SH3GLB2: variants seen among roughly 807,000 people sequenced by gnomAD.
SH3GLB2 encodes SH3 domain containing GRB2 like, endophilin B2.
Under a neutral mutation model 48.0 loss-of-function variants are expected in SH3GLB2, and 24 were observed. That is an observed-to-expected ratio of 0.50 (90% CI 0.36 to 0.70). SH3GLB2 has a LOEUF of 0.70. Ranked by LOEUF, SH3GLB2 falls within the 30% of genes least tolerant of loss-of-function variation. The pLI is 0.00. For missense variants in SH3GLB2, 425 were observed against 516.0 expected, an observed-to-expected ratio of 0.82 and a Z score of 1.71; for synonymous variants, 227 against 207.6, an observed-to-expected ratio of 1.09 and a Z score of -0.80.
At chr9:129,019,432 G>A (rs971350880) in intron 3 of SH3GLB2, among the ~76,000 whole-genome samples, 28 of 151,362 alleles carry the variant, frequency 1.8e-4, no homozygotes, top group African/African-American at 5.9e-4. Flanking sequence ...TTGGCTGGGC[G>A]CAGTTGCTCA....
chr9:129,007,991 T>C lies in SH3GLB2; in HGVS notation c.*693A>G, dbSNP rs1842859186. 1 of 152,276 alleles carries C rather than the reference T, an allele frequency of 6.6e-6. No homozygotes were observed. The highest frequency in any genetic ancestry group is 1.5e-5 in the Non-Finnish European group (1 of 68,188). 9.4% of individuals were successfully genotyped at this position (152,276 alleles called of 1,614,324 possible). ...GTGGGGCAGAGGGTGAGTCTACCTT[T>C]CCCTTTACCACCCTCAGGGCCAGGC... is the stretch of plus-strand genomic sequence containing the variant. On this transcript the variant is annotated 3_prime_UTR_variant, in exon 11 of 11. Transcript: ENST00000372564.
At chr9:129,022,004 G>A (rs1843837653) in intron 2 of SH3GLB2, among the ~76,000 whole-genome samples, 1 of 150,846 alleles carries the variant, frequency 6.6e-6, no homozygotes, top group Non-Finnish European at 1.5e-5. Flanking sequence ...CCAGGTGTGT[G>A]TTTTGCCTGC....
chr9:129,014,728 C>T lies in SH3GLB2; in HGVS notation c.468+43G>A, dbSNP rs780636671. 6 of 1,595,958 alleles carry T rather than the reference C, an allele frequency of 3.8e-6. No homozygotes were observed. The highest frequency in any genetic ancestry group is 5.1e-6 in the Non-Finnish European group (6 of 1,171,684). ...GTACTCAAAGGCTCTGAGGAGGGAA[C>T]TGCCATGGTTACCAGGAAGCGGAAT... On this transcript the variant is annotated intron_variant, in intron 4 of 10. Transcript: ENST00000372564. The surrounding 1 kb of genome is among the most constrained non-coding windows in gnomAD (Gnocchi z 4.1).
At chr9:129,019,928 G>A (rs1588329800) in intron 3 of SH3GLB2, among the ~76,000 whole-genome samples, 1 of 151,716 alleles carries the variant, frequency 6.6e-6, no homozygotes, top group African/African-American at 2.4e-5. Flanking sequence ...TTCCAGCCGG[G>A]TGCGGTGGCT....
chr9:129,021,764 G>T (rs1843815377), intron 2 of SH3GLB2, among the ~76,000 whole-genome samples: 1 of 151,812 alleles, frequency 6.6e-6, no homozygotes, highest in Admixed American at 6.6e-5. Flanking sequence ...TTCAAGACCA[G>T]CCTGGCCAAC....
chr9:129,022,136 T>A, intron 2 of SH3GLB2, 146 bp downstream of exon 2: 2 of 1,238,710 alleles, frequency 1.6e-6, no homozygotes, highest in Non-Finnish European at 2.2e-6. Flanking sequence ...CTTTTAACTG[T>A]CCCTCTTCAA....
At chr9:129,012,460 A>G (rs1484319626) in intron 5 of SH3GLB2, 162 bp from the exon 6 acceptor site, 7 of 417,636 alleles carry the variant, frequency 1.7e-5, no homozygotes, top group African/African-American at 1.0e-4. Context: ...CCCGACTCCA[A>G]CCACCTGGAG....
intron 1 of SH3GLB2, among the ~76,000 whole-genome samples, chr9:129,024,499 T>G (rs1326527944): frequency 6.8e-6 from 1 of 147,018 alleles, no homozygotes; most frequent in African/African-American, 2.5e-5. Context: ...AGGCGGAGCT[T>G]GCAATGAGCA....
chr9:129,021,904 A>T (rs1261619160), intron 2 of SH3GLB2, among the ~76,000 whole-genome samples: 1 of 150,038 alleles, frequency 6.7e-6, no homozygotes, highest in Non-Finnish European at 1.5e-5. Context: ...GGTTGCAGTG[A>T]GCCAAGATTG....
intron 5 of SH3GLB2, chr9:129,012,606 G>A (rs1588313124): frequency 2.4e-6 from 1 of 422,844 alleles, no homozygotes; most frequent in African/African-American, 2.0e-5. Flanking sequence ...CCCCTGCCAG[G>A]GGCCACAGCC....
intron 1 of SH3GLB2, among the ~76,000 whole-genome samples, chr9:129,023,028 T>A (rs895932124): frequency 9.2e-5 from 14 of 152,116 alleles, no homozygotes; most frequent in Middle Eastern, 3.4e-3. Flanking sequence ...AAAAAGGGAA[T>A]AATAGCACCT....
chr9:129,019,986 T>C (rs1843681614), intron 3 of SH3GLB2, among the ~76,000 whole-genome samples: 1 of 149,026 alleles, frequency 6.7e-6, no homozygotes, highest in Non-Finnish European at 1.5e-5. Context: ...GGCAGATCAC[T>C]TGAGGTCAGG....
At position 129,007,068 on chromosome 9, in the gene SH3GLB2, T is replaced by G; in HGVS notation, c.*1616A>C. ...TTTTGGTAATTCTGTGGTCTATTTA[T>G]ACAGATATTAAAATCTTGTTTATAG... On this transcript the variant is annotated 3_prime_UTR_variant, in exon 11 of 11. Coordinates refer to ENST00000372564, the MANE Select transcript of SH3GLB2 (RefSeq NM_020145.4). The G allele has an allele frequency of 6.0e-6, 1 of 166,670 alleles. No individual in the cohort carries two copies. The allele number at this position is 166,670 out of a possible 1,614,324, so 10.3% of individuals were successfully genotyped here.
intron 3 of SH3GLB2, among the ~76,000 whole-genome samples, chr9:129,016,341 TTAAAAAAAA>T (rs1843417858): frequency 9.0e-6 from 1 of 111,126 alleles, no homozygotes. Flanking sequence ...AAGACTGTCT[TTAAAAAAAA>T]AAAAAAAAAA....
At chr9:129,021,410 C>A (rs1321845523) in intron 2 of SH3GLB2, among the ~76,000 whole-genome samples, 191 bp from the exon 3 acceptor site, 1 of 152,170 alleles carries the variant, frequency 6.6e-6, no homozygotes, top group Admixed American at 6.5e-5. Context: ...GAAGCCAGGG[C>A]CCGTCCACTT....
intron 9 of SH3GLB2, 125 bp from the exon 10 acceptor site, chr9:129,009,471 G>A (rs560817735): frequency 8.2e-5 from 127 of 1,549,432 alleles, no homozygotes; most frequent in Admixed American, 6.3e-4. Flanking sequence ...CTGGGAGCTG[G>A]CAGCACAAAG....
At chr9:129,016,143 G>A (rs1843404094) in intron 3 of SH3GLB2, among the ~76,000 whole-genome samples, 1 of 151,830 alleles carries the variant, frequency 6.6e-6, no homozygotes, top group South Asian at 2.1e-4. Flanking sequence ...AGGAGTTCGA[G>A]ACCAACCTGG....
intron 3 of SH3GLB2, among the ~76,000 whole-genome samples, chr9:129,016,341 TTAAAAAAAAAA>T (rs57061893): frequency 0.32 from 35,456 of 110,792 alleles, 6,438 homozygotes; most frequent in Middle Eastern, 0.43. Context: ...AAGACTGTCT[TTAAAAAAAAAA>T]AAAAAAAAAA....
chr9:129,019,932 G>A (rs922323845), intron 3 of SH3GLB2, among the ~76,000 whole-genome samples: 5 of 149,996 alleles, frequency 3.3e-5, no homozygotes, highest in Non-Finnish European at 5.9e-5. Flanking sequence ...AGCCGGGTGC[G>A]GTGGCTCATG....
Sources: gnomAD v4.1 joint callset for allele counts (sites outside exome capture counted in the v4.1 genomes callset) on GRCh38, gnomAD v4.1.1 for gene constraint, Gnocchi (gnomAD v3.1) non-coding constraint, MANE v1.5 for transcripts, NCBI Gene and HGNC (gene_info 2026-07-23, HGNC 2026-07-21) for gene names.